The following DRC11 variants were observed in gnomAD, a reference collection of about 807,000 sequenced individuals.
DRC11 encodes IQ and AAA domain-containing protein 1.
chr2:236,452,979 GA>G, the DRC11 span, among the ~76,000 whole-genome samples: 9 of 152,144 alleles, frequency 5.9e-5, no homozygotes, highest in Non-Finnish European at 1.0e-4. The surrounding 1 kb of genome is among the most constrained non-coding windows in gnomAD (Gnocchi z 4.7). Context: ...TACTTGTGTA[GA>G]AAAATGAATA....
At chr2:236,397,977 G>T in the DRC11 span, among the ~76,000 whole-genome samples, 1 of 152,222 alleles carries the variant, frequency 6.6e-6, no homozygotes, top group East Asian at 1.9e-4. This position sits in a 1 kb window ranked among gnomAD's most constrained non-coding sequence, Gnocchi z 5.0. Context: ...AAGTGAAAAG[G>T]TGTTTTTGAT....
the DRC11 span, among the ~76,000 whole-genome samples, chr2:236,360,041 C>A: frequency 1.3e-5 from 2 of 152,154 alleles, no homozygotes; most frequent in African/African-American, 2.4e-5. This position sits in a 1 kb window ranked among gnomAD's most constrained non-coding sequence, Gnocchi z 5.8. Flanking sequence ...GGTATCAAGA[C>A]AAAATCTCTC....
At chr2:236,315,838 G>T in the DRC11 span, among the ~76,000 whole-genome samples, 1 of 152,140 alleles carries the variant, frequency 6.6e-6, no homozygotes, top group East Asian at 1.9e-4. This position sits in a 1 kb window ranked among gnomAD's most constrained non-coding sequence, Gnocchi z 5.1. Context: ...ACACACTGGG[G>T]CCTGTCGGAG....
the DRC11 span, among the ~76,000 whole-genome samples, chr2:236,434,634 ACT>A: frequency 7.3e-5 from 11 of 151,696 alleles, no homozygotes; most frequent in Non-Finnish European, 1.6e-4. The surrounding 1 kb of genome is among the most constrained non-coding windows in gnomAD (Gnocchi z 5.5). Context: ...TGCCGTTCTG[ACT>A]CTTCAATCAT....
the DRC11 span, among the ~76,000 whole-genome samples, chr2:236,312,861 T>C: frequency 6.6e-6 from 1 of 151,984 alleles, no homozygotes; most frequent in African/African-American, 2.4e-5. Flanking sequence ...GAATTAAAAA[T>C]AGGACACTAT....
At chr2:236,506,483 C>T in the DRC11 span, among the ~76,000 whole-genome samples, 3 of 152,352 alleles carry the variant, frequency 2.0e-5, no homozygotes, top group Middle Eastern at 3.4e-3. The surrounding 1 kb of genome is among the most constrained non-coding windows in gnomAD (Gnocchi z 4.9). Context: ...AACCTCTCTG[C>T]TCTTATTTCC....
the DRC11 span, chr2:236,408,511 C>A: frequency 1.4e-6 from 1 of 732,982 alleles, no homozygotes; most frequent in Non-Finnish European, 2.6e-6. This position sits in a 1 kb window ranked among gnomAD's most constrained non-coding sequence, Gnocchi z 5.5. Flanking sequence ...GGCCACGGTG[C>A]CTCTGTTCAC....
the DRC11 span, among the ~76,000 whole-genome samples, chr2:236,501,454 C>A: frequency 6.6e-6 from 1 of 152,282 alleles, no homozygotes; most frequent in Admixed American, 6.5e-5. Flanking sequence ...AAAAGCAACA[C>A]CTCATGCCAG....
the DRC11 span, among the ~76,000 whole-genome samples, chr2:236,364,987 T>C: frequency 6.6e-6 from 1 of 152,194 alleles, no homozygotes; most frequent in African/African-American, 2.4e-5. Flanking sequence ...CATGCCTTTT[T>C]TGTGGTTAGT....
chr2:236,493,704 G>A, the DRC11 span: 3 of 1,298,494 alleles, frequency 2.3e-6, no homozygotes, highest in Non-Finnish European at 3.2e-6. Context: ...CACACAATTA[G>A]GAGCAGCAGA....
At chr2:236,373,493 C>T in the DRC11 span, among the ~76,000 whole-genome samples, 57 of 152,224 alleles carry the variant, frequency 3.7e-4, no homozygotes, top group Non-Finnish European at 6.2e-4. Context: ...TCCAATGATC[C>T]GCCCACCTCA....
chr2:236,382,620 T>C, the DRC11 span, among the ~76,000 whole-genome samples: 1 of 152,240 alleles, frequency 6.6e-6, no homozygotes, highest in African/African-American at 2.4e-5. Context: ...ATTTCTTTAC[T>C]GGCATTGTGC....
the DRC11 span, chr2:236,408,320 C>T: frequency 2.6e-6 from 2 of 778,276 alleles, no homozygotes; most frequent in South Asian, 1.3e-5. The surrounding 1 kb of genome is among the most constrained non-coding windows in gnomAD (Gnocchi z 5.5). Flanking sequence ...CCAATCCAGG[C>T]CACCTTGCGC....
At chr2:236,476,534 C>T in the DRC11 span, among the ~76,000 whole-genome samples, 6 of 152,112 alleles carry the variant, frequency 3.9e-5, no homozygotes, top group Non-Finnish European at 8.8e-5. This position sits in a 1 kb window ranked among gnomAD's most constrained non-coding sequence, Gnocchi z 4.7. Context: ...TTCTTCCTTT[C>T]CAATTCTGAT....
chr2:236,505,847 C>A, the DRC11 span, among the ~76,000 whole-genome samples: 1 of 152,214 alleles, frequency 6.6e-6, no homozygotes, highest in African/African-American at 2.4e-5. Context: ...CCCTTCCACA[C>A]ACAAACATTC....
chr2:236,427,946 G>C, the DRC11 span, among the ~76,000 whole-genome samples: 4 of 151,990 alleles, frequency 2.6e-5, no homozygotes, highest in South Asian at 8.3e-4. This position sits in a 1 kb window ranked among gnomAD's most constrained non-coding sequence, Gnocchi z 5.9. Context: ...ATTTTTATTG[G>C]TTTCAAGACA....
chr2:236,486,587 G>A, the DRC11 span, among the ~76,000 whole-genome samples: 16 of 152,116 alleles, frequency 1.1e-4, no homozygotes, highest in South Asian at 4.2e-4. The surrounding 1 kb of genome is among the most constrained non-coding windows in gnomAD (Gnocchi z 5.7). Context: ...AGATTGTGAC[G>A]GCTCCTAGCC....
At chr2:236,324,860 C>CTGCATAAATGTCTTCTTTTGAGAAGTGT in the DRC11 span, 1 of 1,101,036 alleles carries the variant, frequency 9.1e-7, no homozygotes, top group East Asian at 2.6e-5. The surrounding 1 kb of genome is among the most constrained non-coding windows in gnomAD (Gnocchi z 5.7). Flanking sequence ...TAAAGAAAAG[C>CTGCATAAATGTCTTCTTTTGAGAAGTGT]CTGCTAAGCA....
the DRC11 span, among the ~76,000 whole-genome samples, chr2:236,445,745 A>T: frequency 3.3e-5 from 5 of 152,204 alleles, no homozygotes; most frequent in Non-Finnish European, 7.3e-5. The surrounding 1 kb of genome is among the most constrained non-coding windows in gnomAD (Gnocchi z 4.8). Context: ...ATGAAAAAAA[A>T]ACTGTTGTAG....
Sources: gnomAD v4.1 joint callset for allele counts (sites outside exome capture counted in the v4.1 genomes callset) on GRCh38, gnomAD v4.1.1 for gene constraint, Gnocchi (gnomAD v3.1) non-coding constraint, MANE v1.5 for transcripts, NCBI Gene and HGNC (gene_info 2026-07-23, HGNC 2026-07-21) for gene names.